The following HPSE2 variants were observed in gnomAD, a reference collection of about 807,000 sequenced individuals.
HPSE2 encodes the protein inactive heparanase-2.
HPSE2 carries 38 observed loss-of-function variants against 60.5 expected under a neutral mutation model. The ratio of observed to expected loss-of-function variants is 0.63; its 90% CI spans 0.48 to 0.82. The LOEUF (loss-of-function observed/expected upper bound fraction) is 0.82, where lower values mean the gene tolerates loss of function less well. Among genes scored for constraint, HPSE2 ranks in the 40% least tolerant of loss-of-function variants. HPSE2 has a pLI of 0.00. For missense variants in HPSE2, 713 were observed against 740.4 expected (o/e 0.96, Z 0.43); for synonymous variants, 295 against 293.2 (o/e 1.01, Z -0.06).
chr10:98,468,706 T>C (rs1364717000), intron 11 of HPSE2, among the ~76,000 whole-genome samples: 1 of 152,198 alleles, frequency 6.6e-6, no homozygotes, highest in Non-Finnish European at 1.5e-5. Context: ...TAATACTTGT[T>C]GAGTTCTGCT....
At chr10:99,168,534 T>C (rs1400537956) in intron 2 of HPSE2, among the ~76,000 whole-genome samples, 1 of 152,230 alleles carries the variant, frequency 6.6e-6, no homozygotes, top group Non-Finnish European at 1.5e-5. Context: ...AACTCTTACA[T>C]TTTTATTTAC....
chr10:98,571,285 C>T (rs2133897761), intron 9 of HPSE2, among the ~76,000 whole-genome samples: 1 of 152,066 alleles, frequency 6.6e-6, no homozygotes, highest in Non-Finnish European at 1.5e-5. Flanking sequence ...AGGAGTATCG[C>T]TTGAGGTCAG....
rs561745539 is a variant in HPSE2 at position 99,035,854 on chromosome 10, A to G, written c.610+108384T>C. Among the ~76,000 whole-genome samples, 11 of 152,326 alleles carry G rather than the reference A, an allele frequency of 7.2e-5. No homozygotes were observed. In the South Asian group the frequency reaches 2.1e-3, roughly 29 times the overall value. The stretch of plus-strand genomic sequence containing the variant: ...CTTTCTAGCTTTGTCCGATGAGAGA[A>G]CCAAGATGCAGTGACACTCCAGCAG... On this transcript the variant is annotated intron_variant, in intron 3 of 11. Coordinates refer to ENST00000370552, the MANE Select transcript of HPSE2 (RefSeq NM_021828.5).
chr10:99,244,859 T>C, the HPSE2 span, among the ~76,000 whole-genome samples: 1 of 152,050 alleles, frequency 6.6e-6, no homozygotes, highest in Admixed American at 6.6e-5. Flanking sequence ...ATTTTACTTC[T>C]GCTTGAATTA....
At chr10:98,935,204 T>C (rs764309367) in intron 3 of HPSE2, among the ~76,000 whole-genome samples, 2 of 142,972 alleles carry the variant, frequency 1.4e-5, no homozygotes, top group South Asian at 2.1e-4. Flanking sequence ...TCATGGTTCT[T>C]AGCTTCTTTG....
At chr10:99,288,674 G>A in the HPSE2 span, among the ~76,000 whole-genome samples, 6 of 139,132 alleles carry the variant, frequency 4.3e-5, no homozygotes, top group African/African-American at 1.0e-4. Context: ...CTATACAGCT[G>A]TACAGCAGCC....
the HPSE2 span, among the ~76,000 whole-genome samples, chr10:99,251,739 A>T: frequency 6.6e-6 from 1 of 152,020 alleles, no homozygotes; most frequent in South Asian, 2.1e-4. Context: ...AATTAAAAAC[A>T]ATTGGCTAGG....
chr10:99,290,547 G>A, the HPSE2 span, among the ~76,000 whole-genome samples: 1 of 152,124 alleles, frequency 6.6e-6, no homozygotes, highest in Non-Finnish European at 1.5e-5. Flanking sequence ...AGCTATCAGT[G>A]GAGCGAAAAG....
the HPSE2 span, among the ~76,000 whole-genome samples, chr10:99,259,696 C>T: frequency 6.6e-6 from 1 of 152,206 alleles, no homozygotes; most frequent in African/African-American, 2.4e-5. Context: ...GGGTCCCCAA[C>T]TCCCAGGCCA....
At chr10:99,029,614 CAA>C (rs1160807566) in intron 3 of HPSE2, among the ~76,000 whole-genome samples, 1 of 152,176 alleles carries the variant, frequency 6.6e-6, no homozygotes, top group African/African-American at 2.4e-5. Flanking sequence ...AGAGAGGAGA[CAA>C]AGAGAAAGAC....
At chr10:98,836,608 G>C (rs1378328709) in intron 3 of HPSE2, among the ~76,000 whole-genome samples, 2 of 152,102 alleles carry the variant, frequency 1.3e-5, no homozygotes, top group Non-Finnish European at 2.9e-5. Context: ...TCATGAGTAA[G>C]GACAGACTGG....
chr10:99,220,639 C>T (rs187956551), intron 2 of HPSE2, among the ~76,000 whole-genome samples: 24 of 151,930 alleles, frequency 1.6e-4, no homozygotes, highest in African/African-American at 5.5e-4. Context: ...CCTGTCTCCA[C>T]TAAAAATACA....
chr10:98,934,525 T>G (rs1487775956), intron 3 of HPSE2, among the ~76,000 whole-genome samples: 2 of 144,572 alleles, frequency 1.4e-5, no homozygotes, highest in African/African-American at 5.6e-5. Flanking sequence ...TTATTTCTCT[T>G]CTGCTTATGA....
intron 9 of HPSE2, among the ~76,000 whole-genome samples, chr10:98,613,292 A>G (rs1370744011): frequency 1.3e-5 from 2 of 152,210 alleles, no homozygotes; most frequent in Non-Finnish European, 2.9e-5. Context: ...CTGCAAAAAC[A>G]AAACAAAACA....
the HPSE2 span, among the ~76,000 whole-genome samples, chr10:99,297,648 CTTGA>C: frequency 2.0e-5 from 3 of 152,146 alleles, no homozygotes; most frequent in Non-Finnish European, 4.4e-5. Context: ...TAACGAGACA[CTTGA>C]TTGTGAGAGA....
At chr10:99,036,439 C>T (rs1026092360) in intron 3 of HPSE2, among the ~76,000 whole-genome samples, 1 of 151,878 alleles carries the variant, frequency 6.6e-6, no homozygotes, top group Non-Finnish European at 1.5e-5. Context: ...TCTCAATGAC[C>T]AAAGCTGGAA....
Position 99,235,558 on chromosome 10 carries a change from T to C in HPSE2, c.245A>G (p.Gln82Arg). 1 of 1,614,132 alleles carries C rather than the reference T, an allele frequency of 6.2e-7. No individual in the cohort carries two copies. The highest frequency in any genetic ancestry group is 8.5e-7 in the Non-Finnish European group (1 of 1,180,024). ...ATCATGAATGATGGACGGATCCAGC[T>C]GCAGAGAGAGGAAGTTCTCATTGAC... ...RTVNENFLSL[Q>R]LDPSIIHDGW... Residue 82 changes from glutamine (Q) to arginine (R), a missense_variant, in exon 1 of 12, where the codon CAG becomes CGG. Coordinates refer to ENST00000370552, the MANE Select transcript of HPSE2 (RefSeq NM_021828.5).
rs185477498 is a variant in HPSE2 at position 99,206,137 on chromosome 10, T to A, written c.448+26211A>T. Reference sequence around the variant, plus strand: ...CATTTCAAGATAGATAAATCCAGCATAAAGATCATTATGAAAACAGAATAG... The same window carrying A: ...CATTTCAAGATAGATAAATCCAGCAAAAAGATCATTATGAAAACAGAATAG... On this transcript the variant is annotated intron_variant, in intron 2 of 11. Coordinates refer to ENST00000370552, the MANE Select transcript of HPSE2 (RefSeq NM_021828.5). Among the ~76,000 whole-genome samples, 12 of 152,296 alleles carry A rather than the reference T, an allele frequency of 7.9e-5. No individual in the cohort carries two copies. In the East Asian group the frequency reaches 2.3e-3, roughly 29 times the overall value.
chr10:98,868,761 G>C (rs1201359322), intron 3 of HPSE2, among the ~76,000 whole-genome samples: 1 of 152,002 alleles, frequency 6.6e-6, no homozygotes, highest in Non-Finnish European at 1.5e-5. Flanking sequence ...TACTACCTTA[G>C]CAGTATCATA....
Sources: allele counts gnomAD v4.1 joint callset (sites outside exome capture counted in the v4.1 genomes callset), GRCh38; gene constraint gnomAD v4.1.1; transcripts MANE v1.5; gene names NCBI Gene and HGNC (gene_info 2026-07-23, HGNC 2026-07-21).